The following BORA variants were observed in gnomAD, a reference collection of about 807,000 sequenced individuals.
BORA encodes the protein protein aurora borealis.
BORA carries 26 observed loss-of-function variants against 55.8 expected under a neutral mutation model. The ratio of observed to expected loss-of-function variants is 0.47; its 90% CI spans 0.34 to 0.65. The LOEUF (loss-of-function observed/expected upper bound fraction) is 0.65. BORA is among the 30% of genes least tolerant of loss of function. BORA has a pLI of 0.01. For missense variants in BORA, 568 were observed against 671.5 expected, an observed-to-expected ratio of 0.85 and a Z score of 1.70; for synonymous variants, 201 against 216.9, an observed-to-expected ratio of 0.93 and a Z score of 0.64.
At chr13:72,753,551 T>A in intron 10 of BORA, 139 bp from the exon 11 acceptor site, 1 of 852,456 alleles carries the variant, frequency 1.2e-6, no homozygotes, top group Non-Finnish European at 1.8e-6. Flanking sequence ...GCATTACTTT[T>A]GAATTTTGTT....
chr13:72,748,107 C>T (rs995131708), intron 10 of BORA, among the ~76,000 whole-genome samples: 1 of 152,116 alleles, frequency 6.6e-6, no homozygotes, highest in Non-Finnish European at 1.5e-5. Context: ...CTAACACTAA[C>T]GTAGCATTAC....
intron 8 of BORA, 69 bp downstream of exon 8, chr13:72,745,276 C>A: frequency 7.6e-7 from 1 of 1,315,170 alleles, no homozygotes; most frequent in South Asian, 1.3e-5. Context: ...TGTTGTTGTT[C>A]TATCTTAGGC....
chr13:72,746,449 T>C, intron 9 of BORA, 52 bp from the exon 10 acceptor site: 6 of 1,540,300 alleles, frequency 3.9e-6, no homozygotes, highest in Non-Finnish European at 4.4e-6. Context: ...GTAGTGACTT[T>C]TCCATTTTCA....
At chr13:72,731,597 C>G (rs931494552) in intron 3 of BORA, among the ~76,000 whole-genome samples, 1 of 152,132 alleles carries the variant, frequency 6.6e-6, no homozygotes, top group African/African-American at 2.4e-5. Context: ...ATACCTTTTT[C>G]TTTTACAAGT....
At chr13:72,731,258 T>C in intron 2 of BORA, 23 bp from the exon 3 acceptor site, 1 of 1,492,400 alleles carries the variant, frequency 6.7e-7, no homozygotes, top group East Asian at 2.3e-5. Flanking sequence ...CCTTTACTCA[T>C]AAGCTCACTT....
intron 10 of BORA, chr13:72,753,402 G>A (rs1392012160): frequency 8.6e-6 from 2 of 231,764 alleles, no homozygotes; most frequent in Non-Finnish European, 1.7e-5. Flanking sequence ...TACTAGGTAC[G>A]ATCACAAAAT....
intron 7 of BORA, 120 bp from the exon 8 acceptor site, chr13:72,744,861 C>A: frequency 1.1e-6 from 1 of 869,810 alleles, no homozygotes. Context: ...TTAAACTTTG[C>A]CCTCTTTTTG....
chr13:72,737,944 TGAC>T lies in BORA; in HGVS notation c.307-17_307-15del. 6.5e-7 allele frequency: 1 copy of T among 1,530,962 alleles called. No individual in the cohort carries two copies. The highest frequency in any genetic ancestry group is 8.9e-7 in the Non-Finnish European group (1 of 1,123,686). The allele number at this position is 1,530,962 out of a possible 1,614,324, so 94.8% of individuals were successfully genotyped here. On this transcript the variant is annotated splice_polypyrimidine_tract_variant and intron_variant, in intron 4 of 11. Coordinates refer to ENST00000390667, the MANE Select transcript of BORA (RefSeq NM_024808.5). ...TGGGTGGAATTTATGCCTAATTGTA[TGAC>T]TTTAATTTTCCTAGTTTTTCACTAA...
chr13:72,730,481 T>C (rs2032788209), intron 2 of BORA, among the ~76,000 whole-genome samples: 1 of 152,148 alleles, frequency 6.6e-6, no homozygotes, highest in African/African-American at 2.4e-5. Flanking sequence ...AGTTGCATGG[T>C]TGAGTACAGA....
chr13:72,733,811 G>A (rs1448844269), intron 3 of BORA, among the ~76,000 whole-genome samples: 1 of 152,072 alleles, frequency 6.6e-6, no homozygotes, highest in African/African-American at 2.4e-5. Context: ...TCTCATATAA[G>A]CTTTATTAAG....
chr13:72,739,694 C>T (rs907553714), intron 5 of BORA, among the ~76,000 whole-genome samples: 1 of 152,102 alleles, frequency 6.6e-6, no homozygotes, highest in Non-Finnish European at 1.5e-5. Context: ...ATTGTGTGTC[C>T]ACCAGCCACC....
rs1049169135 is a variant in BORA, at chr13:72,756,028, A to G, written c.*812A>G. The G allele has an allele frequency of 1.5e-5, 6 of 398,382 alleles. No individual in the cohort carries two copies. The highest frequency in any genetic ancestry group is 8.8e-5 in the Admixed American group (2 of 22,706). 24.7% of individuals were successfully genotyped at this position (398,382 alleles called of 1,614,324 possible). A position where few individuals can be genotyped will look rare whatever the true frequency, so the allele number is the denominator to read the frequency against. On this transcript the variant is annotated 3_prime_UTR_variant, in exon 12 of 12. Coordinates refer to ENST00000390667, the MANE Select transcript of BORA (RefSeq NM_024808.5). ...GGCCTGTGAAGTAACACTGGGGCAGATATGTATGTTATATACAACTATTTT... is the reference window on the plus strand; with the variant it reads ...GGCCTGTGAAGTAACACTGGGGCAGGTATGTATGTTATATACAACTATTTT...
In BORA at chr13:72,743,198, A is replaced by G. The variant is rs1172859088; in HGVS notation, c.389-339A>G. ...CAAAGAAAAGTATTTGAGGCAATGG[A>G]TATGTTAATTAGCTTGATTTGCTCT... On this transcript the variant is annotated intron_variant, in intron 5 of 11. Transcript: ENST00000390667. Among the ~76,000 whole-genome samples the G allele has an allele frequency of 3.3e-5, 5 of 152,196 alleles. No individual in the cohort carries two copies. The South Asian group carries it at 1.0e-3, about 31-fold the overall frequency.
rs372689114 is a variant in BORA at position 72,746,757 on chromosome 13, C to T, written c.1128C>T (p.Pro376=). 4.4e-5 allele frequency: 71 copies of T among 1,614,004 alleles called. 1 individual carries two copies. The highest frequency in any genetic ancestry group is 3.0e-4 in the Admixed American group (18 of 59,988). ...TTCCTTCCACAGATGTCTCATCACC[C>T]GCCATGGATGCTGCTGGAATACACC... ...ENIPSTDVSS[P]AMDAAGIHLR... The change falls in exon 10 of 12, where the codon CCC becomes CCT. Residue 376 remains proline (P), a synonymous_variant. Coordinates refer to ENST00000390667, the MANE Select transcript of BORA (RefSeq NM_024808.5).
intron 11 of BORA, chr13:72,754,053 A>G (rs367667211): frequency 2.5e-6 from 1 of 400,852 alleles, no homozygotes; most frequent in East Asian, 4.5e-5. Flanking sequence ...GAGGGCATTT[A>G]CTGAACCTTC....
At chr13:72,745,283 A>G in intron 8 of BORA, 76 bp downstream of exon 8, 1 of 1,274,548 alleles carries the variant, frequency 7.8e-7, no homozygotes, top group Non-Finnish European at 1.1e-6. Flanking sequence ...GTTCTATCTT[A>G]GGCTTTCAGC....
At chr13:72,744,384 C>A in intron 6 of BORA, 121 bp from the exon 7 acceptor site, 1 of 813,096 alleles carries the variant, frequency 1.2e-6, no homozygotes, top group Non-Finnish European at 2.0e-6. Context: ...ATGAATAATT[C>A]CATTTGGCTG....
At chr13:72,751,671 A>C (rs539676358) in intron 10 of BORA, among the ~76,000 whole-genome samples, 22 of 152,318 alleles carry the variant, frequency 1.4e-4, no homozygotes, top group African/African-American at 5.3e-4. Flanking sequence ...CTAGTGTTCT[A>C]TAGCTCTATA....
chr13:72,756,044 C>CAACT lies in BORA; in HGVS notation c.*830_*833dup. On this transcript the variant is annotated 3_prime_UTR_variant, in exon 12 of 12. Transcript: ENST00000390667. Reference sequence around the variant, plus strand: ...CTGGGGCAGATATGTATGTTATATACAACTATTTTTTTAAAAAACTTATAT... The same window carrying CAACT: ...CTGGGGCAGATATGTATGTTATATACAACTAACTATTTTTTTAAAAAACTTATAT... 2.5e-6 allele frequency: 1 copy of CAACT among 398,238 alleles called. No homozygotes were observed. The highest frequency in any genetic ancestry group is 1.3e-4 in the South Asian group (1 of 7,818). 24.7% of individuals were successfully genotyped at this position (398,238 alleles called of 1,614,324 possible). A position where few individuals can be genotyped will look rare whatever the true frequency, so the allele number is the denominator to read the frequency against.
Sources: gnomAD v4.1 joint callset for allele counts (sites outside exome capture counted in the v4.1 genomes callset) on GRCh38, gnomAD v4.1.1 for gene constraint, MANE v1.5 for transcripts, NCBI Gene and HGNC (gene_info 2026-07-23, HGNC 2026-07-21) for gene names.